Variants in TRPC6 observed in about 807,000 individuals in gnomAD.
The protein encoded by TRPC6 is short transient receptor potential channel 6.
A neutral mutation model predicts 90.7 loss-of-function variants in TRPC6; 55 were observed. The ratio of observed to expected loss-of-function variants is 0.61; its 90% confidence interval spans 0.49 to 0.76. TRPC6 has a LOEUF of 0.76. Ranked by LOEUF, TRPC6 falls within the 30% of genes least tolerant of loss-of-function variation. The pLI is 0.00. For missense variants in TRPC6, 989 were observed against 1,122.7 expected, an observed-to-expected ratio of 0.88 and a Z score of 1.70; for synonymous variants, 393 against 393.0, an observed-to-expected ratio of 1.00 and a Z score of 0.00.
At chr11:101,546,245 T>G (rs1433556611) in intron 1 of TRPC6, among the ~76,000 whole-genome samples, 1 of 110,800 alleles carries the variant, frequency 9.0e-6, no homozygotes, top group East Asian at 2.8e-4. Context: ...CTAATTTTTT[T>G]GTATTTTTAG....
intron 1 of TRPC6, among the ~76,000 whole-genome samples, chr11:101,523,394 C>T (rs1158119849): frequency 6.6e-6 from 1 of 152,166 alleles, no homozygotes; most frequent in Non-Finnish European, 1.5e-5. Flanking sequence ...GGGCATGACA[C>T]CTGTGAAGTT....
At chr11:101,578,840 T>A (rs1862127048) in intron 1 of TRPC6, among the ~76,000 whole-genome samples, 1 of 152,032 alleles carries the variant, frequency 6.6e-6, no homozygotes, top group African/African-American at 2.4e-5. Context: ...TATCAAAATA[T>A]ATTATGAGTG....
intron 1 of TRPC6, among the ~76,000 whole-genome samples, chr11:101,575,797 T>G (rs772932174): frequency 7.2e-5 from 11 of 152,130 alleles, no homozygotes; most frequent in Non-Finnish European, 1.5e-4. Flanking sequence ...GCCCTTTTCT[T>G]CCAGTCTTCT....
intron 6 of TRPC6, among the ~76,000 whole-genome samples, chr11:101,475,055 T>A (rs1249758025): frequency 2.0e-5 from 3 of 152,192 alleles, no homozygotes; most frequent in Non-Finnish European, 4.4e-5. Flanking sequence ...GTCTGCCTAA[T>A]TCTGGGGTTC....
intron 1 of TRPC6, among the ~76,000 whole-genome samples, chr11:101,573,347 C>T (rs1014704206): frequency 1.3e-5 from 2 of 152,124 alleles, no homozygotes; most frequent in Admixed American, 6.6e-5. Flanking sequence ...ATAAACAAAA[C>T]AGTCAAATAT....
At position 101,452,562 on chromosome 11, in the gene TRPC6, A is replaced by G. The variant is rs1022963658; in HGVS notation, c.*393T>C. ...GGAGTCCCCAGCAGGGGATCCACAGAGCAGGCAAGAAGGAACCTGAAATAA... is the reference window on the plus strand; with the variant it reads ...GGAGTCCCCAGCAGGGGATCCACAGGGCAGGCAAGAAGGAACCTGAAATAA... On this transcript the variant is annotated 3_prime_UTR_variant, in exon 13 of 13. Coordinates refer to ENST00000344327, the MANE Select transcript of TRPC6 (RefSeq NM_004621.6). 1.5e-5 allele frequency: 3 copies of G among 203,890 alleles called. No individual in the cohort carries two copies. The highest frequency in any genetic ancestry group is 7.0e-5 in the African/African-American group (3 of 42,572). 12.6% of individuals were successfully genotyped at this position (203,890 alleles called of 1,614,324 possible). A position where few individuals can be genotyped will look rare whatever the true frequency, so the allele number is the denominator to read the frequency against.
chr11:101,486,196 G>C (rs1475780364), intron 4 of TRPC6, among the ~76,000 whole-genome samples: 1 of 152,036 alleles, frequency 6.6e-6, no homozygotes, highest in Non-Finnish European at 1.5e-5. Flanking sequence ...TACAAAAGTT[G>C]AGAATTGTAT....
chr11:101,557,737 A>G (rs552206830), intron 1 of TRPC6, among the ~76,000 whole-genome samples: 25 of 152,278 alleles, frequency 1.6e-4, no homozygotes, highest in Admixed American at 9.8e-4. Flanking sequence ...TACCCAAAAA[A>G]AGAAATCAGG....
At chr11:101,568,593 A>T (rs1442173422) in intron 1 of TRPC6, among the ~76,000 whole-genome samples, 1 of 152,200 alleles carries the variant, frequency 6.6e-6, no homozygotes, top group Non-Finnish European at 1.5e-5. Flanking sequence ...GAAGGAAAAA[A>T]TGTTAAGGGC....
intron 1 of TRPC6, among the ~76,000 whole-genome samples, chr11:101,562,676 CCTT>C (rs1276555284): frequency 2.0e-5 from 3 of 152,098 alleles, no homozygotes; most frequent in Non-Finnish European, 4.4e-5. Flanking sequence ...GTGCCTTTGT[CCTT>C]CTTTCTGACC....
At chr11:101,576,812 T>C (rs1032594622) in intron 1 of TRPC6, among the ~76,000 whole-genome samples, 2 of 152,300 alleles carry the variant, frequency 1.3e-5, no homozygotes, top group Non-Finnish European at 2.9e-5. Flanking sequence ...GAAAAAAAAT[T>C]ATGCAATGTC....
At chr11:101,510,771 A>G (rs1244369769) in intron 1 of TRPC6, among the ~76,000 whole-genome samples, 1 of 152,112 alleles carries the variant, frequency 6.6e-6, no homozygotes, top group Non-Finnish European at 1.5e-5. Context: ...CAGCAATGCA[A>G]ATTAGCTTCT....
Position 101,473,632 on chromosome 11 carries a change from C to G in TRPC6, c.1886G>C (p.Arg629Thr), listed in dbSNP as rs775034304. The G allele has an allele frequency of 3.7e-6, 6 of 1,613,772 alleles. No homozygotes were observed. Among genetic ancestry groups the G allele is most frequent in the Non-Finnish European group, 5.1e-6 (6 of 1,179,798 alleles). Residue 629 changes from arginine (R) to threonine (T), a missense_variant, in exon 7 of 13, where the codon AGA (arginine) becomes ACA (threonine). Physicochemically the swap from Arg to Thr is moderately conservative, Grantham distance 71 (BLOSUM62 -1). Around this residue, in one of 4 missense-constraint regions of TRPC6, gnomAD observed 118 missense variants for 197.6 expected, o/e 0.60. Coordinates refer to ENST00000344327, the MANE Select transcript of TRPC6 (RefSeq NM_004621.6). ...GAACTTGAAGATGTCTTTGACTGTTCTTCCAAGTGATATCTGCAGAGGTCC... is the reference window on the plus strand; with the variant it reads ...GAACTTGAAGATGTCTTTGACTGTTGTTCCAAGTGATATCTGCAGAGGTCC... ...SFGPLQISLG[R>T]TVKDIFKFMV...
At chr11:101,574,329 AT>A (rs777925337) in intron 1 of TRPC6, among the ~76,000 whole-genome samples, 5 of 151,206 alleles carry the variant, frequency 3.3e-5, no homozygotes, top group Non-Finnish European at 7.4e-5. Flanking sequence ...CCAAATCTAT[AT>A]CTAATTGAGT....
intron 4 of TRPC6, among the ~76,000 whole-genome samples, chr11:101,484,199 A>T (rs1293228640): frequency 6.6e-6 from 1 of 152,198 alleles, no homozygotes; most frequent in African/African-American, 2.4e-5. Context: ...GTGCACTCAA[A>T]TGCCCACTTT....
At chr11:101,513,465 C>T (rs1228623993) in intron 1 of TRPC6, among the ~76,000 whole-genome samples, 2 of 152,058 alleles carry the variant, frequency 1.3e-5, no homozygotes, top group African/African-American at 4.8e-5. Context: ...CACTAAAGAA[C>T]TTATACATGT....
At chr11:101,567,085 C>A (rs1419789583) in intron 1 of TRPC6, among the ~76,000 whole-genome samples, 1 of 152,000 alleles carries the variant, frequency 6.6e-6, no homozygotes, top group Non-Finnish European at 1.5e-5. Context: ...GGGGGTCCAA[C>A]CCCCATGGAT....
At chr11:101,522,252 T>C (rs1860679621) in intron 1 of TRPC6, among the ~76,000 whole-genome samples, 2 of 152,190 alleles carry the variant, frequency 1.3e-5, no homozygotes, top group African/African-American at 4.8e-5. Flanking sequence ...CTTACTATTC[T>C]CATGATAGTG....
intron 2 of TRPC6, among the ~76,000 whole-genome samples, chr11:101,502,164 T>C (rs1860144590): frequency 6.6e-6 from 1 of 152,154 alleles, no homozygotes; most frequent in Admixed American, 6.6e-5. Context: ...TCTTTACGTC[T>C]TCATCATCGT....
Sources: gnomAD v4.1 joint callset for allele counts (sites outside exome capture counted in the v4.1 genomes callset) on GRCh38, gnomAD v4.1.1 for gene constraint, gnomAD v4.1.1 regional missense constraint, MANE v1.5 for transcripts, NCBI Gene and HGNC (gene_info 2026-07-23, HGNC 2026-07-21) for gene names.